The following TNN variants were observed in gnomAD, a reference collection of about 807,000 sequenced individuals.
TNN encodes tenascin-N.
Under a neutral mutation model 134.4 loss-of-function variants are expected in TNN, and 122 were observed. That is an observed-to-expected ratio of 0.91 (90% CI 0.78 to 1.06). TNN has a LOEUF of 1.06. Ranked by LOEUF, TNN falls within the 50% of genes least tolerant of loss-of-function variation. The pLI, the probability that TNN is intolerant of heterozygous loss-of-function variation, is 0.00. For missense variants in TNN, 1,739 were observed against 1,699.4 expected (o/e 1.02, Z -0.41); for synonymous variants, 710 against 670.3 (o/e 1.06, Z -0.91).
In TNN at chr1:175,106,750, C is replaced by T. The variant is rs1364222964; in HGVS notation, c.2119+8155C>T. On this transcript the variant is annotated intron_variant, in intron 9 of 18. Transcript: ENST00000239462. ...GTCAACCAACATGTTGTCGGGACCC[C>T]GGAGATGCATGGCTTTCCTCACTGT... 4.8e-5 allele frequency among the ~76,000 whole-genome samples: 7 copies of T among 145,626 alleles called. 2 individuals carry two copies. The highest frequency in any genetic ancestry group is 2.3e-4 in the South Asian group (1 of 4,322).
At chr1:175,070,430 G>A (rs1464681953) in intron 1 of TNN, among the ~76,000 whole-genome samples, 1 of 152,204 alleles carries the variant, frequency 6.6e-6, no homozygotes, top group Non-Finnish European at 1.5e-5. Context: ...GGGCAGACTT[G>A]ATGGGATGGC....
At chr1:175,083,480 G>A (rs1050233031) in intron 4 of TNN, among the ~76,000 whole-genome samples, 1 of 152,210 alleles carries the variant, frequency 6.6e-6, no homozygotes, top group Non-Finnish European at 1.5e-5. Context: ...GCCAAAGTCA[G>A]TGTGGACAGG....
rs766340231 is a variant in TNN, at chr1:175,118,744, C to T, written c.2570C>T (p.Pro857Leu). ...QSSTVLTGLR[P>L]GMEYTVHVWA... ...AGCACTGTCCTGACGGGCCTGAGGC[C>T]GGGCATGGAGTACACGGTGCACGTG... The change falls in exon 11 of 19, where the codon CCG becomes CTG. Residue 857 changes from proline (P) to leucine (L), a missense_variant. Physicochemically the swap from Pro to Leu is moderately conservative, Grantham distance 98 (BLOSUM62 -3). Transcript: ENST00000239462. 32 of 1,613,972 alleles carry T rather than the reference C, an allele frequency of 2.0e-5. No individual in the cohort carries two copies. The highest frequency in any genetic ancestry group is 8.0e-5 in the African/African-American group (6 of 74,892).
chr1:175,101,164 G>A (rs1674712200), intron 9 of TNN, among the ~76,000 whole-genome samples: 1 of 152,116 alleles, frequency 6.6e-6, no homozygotes. Context: ...TCTTAAGGTG[G>A]CGCATCTGGA....
At chr1:175,100,629 A>G (rs1674697562) in intron 9 of TNN, among the ~76,000 whole-genome samples, 2 of 152,212 alleles carry the variant, frequency 1.3e-5, no homozygotes, top group African/African-American at 2.4e-5. Flanking sequence ...AACATGTGTA[A>G]TAGGACGTAT....
intron 9 of TNN, among the ~76,000 whole-genome samples, chr1:175,109,072 A>ATTTTTTTTTTTTTTTTTTT (rs1160268455): frequency 9.7e-5 from 6 of 61,978 alleles, no homozygotes; most frequent in Non-Finnish European, 1.6e-4. Flanking sequence ...ATCTAACTGT[A>ATTTTTTTTTTTTTTTTTTT]TTTTTTTTTT....
intron 1 of TNN, among the ~76,000 whole-genome samples, 200 bp from the exon 2 acceptor site, chr1:175,077,184 G>A (rs1195169054): frequency 1.3e-5 from 2 of 152,204 alleles, no homozygotes; most frequent in Non-Finnish European, 2.9e-5. Context: ...AGTGTGAACA[G>A]TAAGCAAAGA....
intron 12 of TNN, among the ~76,000 whole-genome samples, chr1:175,125,703 C>CTTTCTTTCTTTCTTTCTT (rs66718246): frequency 1.5e-5 from 1 of 66,390 alleles, no homozygotes; most frequent in Non-Finnish European, 3.1e-5. Context: ...TCTTTTTTCT[C>CTTTCTTTCTTTCTTTCTT]TCTTTCTTTC....
At position 175,083,903 on chromosome 1, in the gene TNN, G is replaced by C. The variant is rs779781064; in HGVS notation, c.1202G>C (p.Ser401Thr). Residue 401 changes from serine (S) to threonine (T), a missense_variant, in exon 5 of 19, where the codon AGC (serine) becomes ACC (threonine). Physicochemically the swap from Ser to Thr is moderately conservative, Grantham distance 58. Coordinates refer to ENST00000239462, the MANE Select transcript of TNN (RefSeq NM_022093.2). ...GTAGCTGAGGTCACTGTGCCCAAGAGCAGTGACCCCAAGAGCCGATATGAC... is the reference window on the plus strand; with the variant it reads ...GTAGCTGAGGTCACTGTGCCCAAGACCAGTGACCCCAAGAGCCGATATGAC... ...QEVAEVTVPK[S>T]SDPKSRYDIT... 2 of 1,614,110 alleles carry C rather than the reference G, an allele frequency of 1.2e-6. No individual in the cohort carries two copies. Among genetic ancestry groups the C allele is most frequent in the African/African-American group, 1.3e-5 (1 of 75,038 alleles).
intron 18 of TNN, among the ~76,000 whole-genome samples, chr1:175,146,074 G>A (rs889251923): frequency 8.6e-5 from 13 of 152,036 alleles, no homozygotes; most frequent in Non-Finnish European, 1.3e-4. Context: ...ACCAGTCTTC[G>A]GGACTCCCAA....
chr1:175,116,187 T>C (rs1251832818), intron 9 of TNN, among the ~76,000 whole-genome samples: 1 of 152,236 alleles, frequency 6.6e-6, no homozygotes, highest in Admixed American at 6.5e-5. Context: ...AATAACTCTG[T>C]AGAATATGTA....
intron 11 of TNN, among the ~76,000 whole-genome samples, chr1:175,120,228 C>T (rs1261553111): frequency 6.6e-6 from 1 of 152,174 alleles, no homozygotes; most frequent in Non-Finnish European, 1.5e-5. Flanking sequence ...AAACAAATAT[C>T]TCTACTCTCT....
At chr1:175,108,075 G>A (rs1674905059) in intron 9 of TNN, among the ~76,000 whole-genome samples, 1 of 151,580 alleles carries the variant, frequency 6.6e-6, no homozygotes, top group South Asian at 2.1e-4. Context: ...GATACAGAGT[G>A]CCGATTGGTG....
At chr1:175,125,573 T>TTC (rs561580472) in intron 12 of TNN, among the ~76,000 whole-genome samples, 2 of 146,248 alleles carry the variant, frequency 1.4e-5, no homozygotes, top group Non-Finnish European at 3.0e-5. Context: ...TTTTCCTTCC[T>TTC]TCTCTCTCTC....
At chr1:175,128,243 G>T in intron 14 of TNN, 79 bp downstream of exon 14, 2 of 1,318,684 alleles carry the variant, frequency 1.5e-6, no homozygotes, top group Non-Finnish European at 2.1e-6. Flanking sequence ...GTCCAGGGAG[G>T]AGCAAGTGGA....
Position 175,077,634 on chromosome 1 carries a change from C to T in TNN, c.216C>T (p.Leu72=). The T allele has an allele frequency of 6.2e-7, 1 of 1,614,224 alleles. No homozygotes were observed. The highest frequency in any genetic ancestry group is 8.5e-7 in the Non-Finnish European group (1 of 1,180,038). The change falls in exon 2 of 19, where the codon CTC becomes CTT. Residue 72 remains leucine (L), a synonymous_variant. Coordinates refer to ENST00000239462, the MANE Select transcript of TNN (RefSeq NM_022093.2). ...CCCTCAGTGACGATGGGGCTTCGCT[C>T]TTGGCCCTGGGGGAGGCCAGGGAGG... ...PQPLSDDGAS[L]LALGEAREEQ...
rs199865867 is a variant in TNN, at chr1:175,091,559, T to TTTTATTTA, written c.1325-2391_1325-2384dup. 4.0e-3 allele frequency among the ~76,000 whole-genome samples: 562 copies of TTTTATTTA among 141,702 alleles called. 2 individuals are homozygous for TTTTATTTA. The highest frequency in any genetic ancestry group is 5.7e-3 in the East Asian group (28 of 4,880). 93.0% of individuals were successfully genotyped at this position (141,702 alleles called of 152,430 possible). A position where few individuals can be genotyped will look rare whatever the true frequency, so the allele number is the denominator to read the frequency against. On this transcript the variant is annotated intron_variant, in intron 6 of 18. Transcript: ENST00000239462. ...TTATTTATTTACTTTTATTTATTAT[T>TTTTATTTA]TTTATTTATTTATTTATTTATTTAT... is the stretch of plus-strand genomic sequence containing the variant.
intron 9 of TNN, among the ~76,000 whole-genome samples, chr1:175,110,546 C>T (rs553596862): frequency 5.2e-4 from 79 of 152,246 alleles, no homozygotes; most frequent in African/African-American, 1.8e-3. Context: ...TTTTTGAATA[C>T]GGTGAGAAAT....
At chr1:175,080,528 G>T in intron 4 of TNN, 102 bp downstream of exon 4, 1 of 1,338,584 alleles carries the variant, frequency 7.5e-7, no homozygotes, top group Non-Finnish European at 1.0e-6. Flanking sequence ...TTAGGGGTTT[G>T]AAAAACACAC....
Sources: allele counts gnomAD v4.1 joint callset (sites outside exome capture counted in the v4.1 genomes callset), GRCh38; gene constraint gnomAD v4.1.1; transcripts MANE v1.5; gene names NCBI Gene and HGNC (gene_info 2026-07-23, HGNC 2026-07-21).